HELB: variants seen among roughly 807,000 people sequenced by gnomAD.
The protein encoded by HELB is DNA helicase B.
In HELB, 96 loss-of-function variants were observed where a neutral mutation model predicts 101.7. The ratio of observed to expected loss-of-function variants is 0.94; its 90% CI spans 0.80 to 1.12. The LOEUF is 1.12. HELB is among the 50% of genes most tolerant of loss of function. HELB has a pLI of 0.00. For missense variants in HELB, 1,210 were observed against 1,291.9 expected, an observed-to-expected ratio of 0.94 and a Z score of 0.97; for synonymous variants, 437 against 459.7, an observed-to-expected ratio of 0.95 and a Z score of 0.63.
intron 6 of HELB, among the ~76,000 whole-genome samples, chr12:66,317,807 G>C (rs533534155): frequency 6.6e-6 from 1 of 152,264 alleles, no homozygotes; most frequent in Non-Finnish European, 1.5e-5. Flanking sequence ...AATTAAATCT[G>C]GGCTATCGCC....
intron 1 of HELB, among the ~76,000 whole-genome samples, chr12:66,303,959 A>G (rs991042877): frequency 6.6e-6 from 1 of 152,264 alleles, no homozygotes; most frequent in Admixed American, 6.5e-5. Context: ...CAGCTAGTGT[A>G]ACTGAGGAGA....
intron 3 of HELB, 93 bp downstream of exon 3, chr12:66,306,607 T>G: frequency 1.3e-6 from 1 of 774,276 alleles, no homozygotes; most frequent in Non-Finnish European, 2.0e-6. Flanking sequence ...GGAAAAAAAT[T>G]TGTGTGGACC....
chr12:66,342,767 TC>T (rs1004118193), downstream of HELB: 2 of 151,982 alleles, frequency 1.3e-5, no homozygotes, highest in African/African-American at 4.8e-5. Context: ...CCATCTCAGC[TC>T]ACTGCAACCA....
intron 12 of HELB, among the ~76,000 whole-genome samples, chr12:66,332,425 TAAAC>T (rs1171460079): frequency 3.9e-5 from 6 of 152,176 alleles, no homozygotes; most frequent in East Asian, 1.9e-4. Flanking sequence ...ATTCCAGAAA[TAAAC>T]AATTCGTCAA....
At chr12:66,317,066 G>A (rs2053615539) in intron 6 of HELB, among the ~76,000 whole-genome samples, 1 of 151,442 alleles carries the variant, frequency 6.6e-6, no homozygotes, top group African/African-American at 2.4e-5. Context: ...GTGTGGTGGT[G>A]GGCACCTGTA....
At chr12:66,325,493 A>C (rs111743871) in intron 11 of HELB, among the ~76,000 whole-genome samples, 112 of 152,234 alleles carry the variant, frequency 7.4e-4, no homozygotes, top group African/African-American at 2.5e-3. Context: ...GTTACATTAA[A>C]ATGTCTTGAT....
At chr12:66,331,021 T>G in intron 11 of HELB, 133 bp from the exon 12 acceptor site, 2 of 965,186 alleles carry the variant, frequency 2.1e-6, no homozygotes, top group Non-Finnish European at 3.1e-6. Flanking sequence ...ACCCATAAAA[T>G]GGACACATAA....
At chr12:66,325,505 T>C (rs2137009098) in intron 11 of HELB, among the ~76,000 whole-genome samples, 1 of 152,300 alleles carries the variant, frequency 6.6e-6, no homozygotes, top group Middle Eastern at 3.4e-3. Context: ...TGTCTTGATT[T>C]ATCTTGATTG....
downstream of HELB, chr12:66,341,011 G>T (rs139578832): frequency 1.2e-3 from 178 of 154,420 alleles, 1 homozygote; most frequent in African/African-American, 4.1e-3. Context: ...CAATAAGAGA[G>T]AATTGGCTCA....
chr12:66,311,272 G>A (rs946475653), intron 4 of HELB, among the ~76,000 whole-genome samples: 14 of 152,140 alleles, frequency 9.2e-5, no homozygotes, highest in Non-Finnish European at 1.3e-4. Flanking sequence ...ACTTGCCTGG[G>A]CAACATAGTG....
intron 11 of HELB, 85 bp from the exon 12 acceptor site, chr12:66,331,069 T>G: frequency 6.8e-7 from 1 of 1,465,272 alleles, no homozygotes; most frequent in Non-Finnish European, 9.2e-7. Flanking sequence ...GAGAGCACTT[T>G]GAACACTTGT....
At chr12:66,314,662 A>G (rs911657634) in intron 5 of HELB, among the ~76,000 whole-genome samples, 1 of 152,148 alleles carries the variant, frequency 6.6e-6, no homozygotes, top group Non-Finnish European at 1.5e-5. Context: ...CAATTGGAGA[A>G]TCAAGTTGTA....
At position 66,324,971 on chromosome 12, in the gene HELB, G is replaced by A. The variant is rs774178616; in HGVS notation, c.2527-12G>A. ...TGAAGGTATGCAAAATAGTTCTTTG[G>A]TTTGGTGACAGGATGTAACTGATGT... On this transcript the variant is annotated splice_polypyrimidine_tract_variant and intron_variant, in intron 10 of 12. Coordinates refer to ENST00000247815, the MANE Select transcript of HELB (RefSeq NM_001370285.1). The A allele has an allele frequency of 3.1e-6, 5 of 1,612,040 alleles. No homozygotes were observed. The East Asian group carries it at 1.1e-4, about 36-fold the overall frequency.
downstream of HELB, chr12:66,342,431 G>T (rs1205987460): frequency 2.0e-5 from 3 of 149,410 alleles, no homozygotes; most frequent in Non-Finnish European, 4.4e-5. Flanking sequence ...CTGGAGTGTG[G>T]TGGCTCGATC....
intron 11 of HELB, among the ~76,000 whole-genome samples, chr12:66,329,194 C>A (rs2053777344): frequency 6.6e-6 from 1 of 152,188 alleles, no homozygotes; most frequent in African/African-American, 2.4e-5. Context: ...AGGTGTCTTA[C>A]TTTCTGAGGT....
rs755776764 is a variant in HELB, at chr12:66,305,153, A to G, written c.607+3A>G. On this transcript the variant is annotated splice_donor_region_variant and intron_variant, in intron 2 of 12. Coordinates refer to ENST00000247815, the MANE Select transcript of HELB (RefSeq NM_001370285.1). ...GAGTCTTCCTCTGGAAAACACAAGT[A>G]AGTGTGATTTTTATCATCAACTTTC... The G allele has an allele frequency of 6.6e-7, 1 of 1,515,168 alleles. No individual in the cohort carries two copies. The highest frequency in any genetic ancestry group is 2.2e-5 in the Admixed American group (1 of 45,494). The allele number at this position is 1,515,168 out of a possible 1,614,324, so 93.9% of individuals were successfully genotyped here.
At chr12:66,308,160 T>C (rs2053499866) in intron 3 of HELB, among the ~76,000 whole-genome samples, 1 of 152,044 alleles carries the variant, frequency 6.6e-6, no homozygotes, top group Admixed American at 6.6e-5. Flanking sequence ...TCTCTCCCCA[T>C]TGTGGGCATT....
At chr12:66,303,447 C>T (rs567054285) in intron 1 of HELB, among the ~76,000 whole-genome samples, 1 of 151,742 alleles carries the variant, frequency 6.6e-6, no homozygotes, top group South Asian at 2.1e-4. Context: ...AAACCTGTCT[C>T]TAGTAAAACA....
intron 8 of HELB, among the ~76,000 whole-genome samples, chr12:66,322,282 G>C (rs2137005145): frequency 6.6e-6 from 1 of 152,196 alleles, no homozygotes; most frequent in South Asian, 2.1e-4. Context: ...AAAAATACAG[G>C]CTGGGCTTGG....
Sources: allele counts gnomAD v4.1 joint callset (sites outside exome capture counted in the v4.1 genomes callset), GRCh38; gene constraint gnomAD v4.1.1; transcripts MANE v1.5; gene names NCBI Gene and HGNC (gene_info 2026-07-23, HGNC 2026-07-21).